The following NF2 variants were observed in gnomAD, a reference collection of about 807,000 sequenced individuals.
NF2 encodes NF2, moesin-ezrin-radixin like (MERLIN) tumor suppressor.
NF2 carries 8 observed loss-of-function variants against 83.7 expected under a neutral mutation model. The observed-to-expected ratio is 0.10, with a 90% CI of 0.06 to 0.17. NF2 has a LOEUF of 0.17. Ranked by LOEUF, NF2 falls within the 10% of genes least tolerant of loss-of-function variation. NF2 has a pLI of 1.00. For synonymous variants in NF2, 266 were observed against 269.6 expected (o/e 0.99, Z 0.13); for missense variants, 533 against 744.4 (o/e 0.72, Z 3.31).
At chr22:29,647,969 A>G (rs2066028542) in intron 4 of NF2, among the ~76,000 whole-genome samples, 1 of 152,018 alleles carries the variant, frequency 6.6e-6, no homozygotes, top group South Asian at 2.1e-4. Context: ...AAATAAATAC[A>G]TACATACAAA....
intron 10 of NF2, among the ~76,000 whole-genome samples, chr22:29,669,702 C>T (rs1242176528): frequency 6.6e-6 from 1 of 152,206 alleles, no homozygotes; most frequent in Non-Finnish European, 1.5e-5. Context: ...GCACTGCTTA[C>T]AGCACAGCAG....
intron 1 of NF2, among the ~76,000 whole-genome samples, chr22:29,618,603 C>T (rs1414963303): frequency 2.0e-5 from 3 of 152,156 alleles, no homozygotes; most frequent in South Asian, 2.1e-4. Flanking sequence ...GGAGGCTAAA[C>T]GGCTATGTTA....
At chr22:29,642,145 C>A in intron 3 of NF2, 57 bp from the exon 4 acceptor site, 1 of 1,379,190 alleles carries the variant, frequency 7.3e-7, no homozygotes, top group Non-Finnish European at 1.0e-6. Context: ...TTGTGATCAG[C>A]CTACACACCT....
chr22:29,628,514 T>C (rs976837896), intron 1 of NF2, among the ~76,000 whole-genome samples: 2 of 151,856 alleles, frequency 1.3e-5, no homozygotes, highest in African/African-American at 4.8e-5. Flanking sequence ...CAGAGATGAT[T>C]GGAGAACTGG....
In NF2 at chr22:29,666,542, G is replaced by T. The variant is rs1284284276; in HGVS notation, c.885+1478G>T. ...GAGTCTTGAGTATACTGGGCTAGGT[G>T]GGGTGGCTCACGCCTGTAATCTCAG... On this transcript the variant is annotated intron_variant, in intron 9 of 15. Transcript: ENST00000338641. 2.6e-5 allele frequency among the ~76,000 whole-genome samples: 4 copies of T among 152,234 alleles called. No homozygotes were observed. In the East Asian group the frequency reaches 5.8e-4, roughly 22 times the overall value.
chr22:29,662,706 C>A (rs770020490), intron 8 of NF2, among the ~76,000 whole-genome samples: 2 of 152,196 alleles, frequency 1.3e-5, no homozygotes, highest in Non-Finnish European at 2.9e-5. Context: ...CATCAGGAAG[C>A]AGAGACACAG....
rs560736399 is a variant in NF2 at position 29,672,086 on chromosome 22, C to G, written c.1122+138C>G. The G allele has an allele frequency of 3.1e-5, 40 of 1,297,648 alleles. No individual in the cohort carries two copies. The East Asian group carries it at 8.9e-4, about 29-fold the overall frequency. The allele number at this position is 1,297,648 out of a possible 1,614,324, so 80.4% of individuals were successfully genotyped here. Reference sequence around the variant, plus strand: ...ATTTCAGCTTTGAAAAAATCAGTGCCTTTTCTTTTCACCTGTGTTGGCAGA... The same window carrying G: ...ATTTCAGCTTTGAAAAAATCAGTGCGTTTTCTTTTCACCTGTGTTGGCAGA... On this transcript the variant is annotated intron_variant, in intron 11 of 15. Coordinates refer to ENST00000338641, the MANE Select transcript of NF2 (RefSeq NM_000268.4).
chr22:29,661,135 C>G (rs2147006119), intron 7 of NF2, 70 bp from the exon 8 acceptor site: 1 of 1,608,040 alleles, frequency 6.2e-7, no homozygotes, highest in Non-Finnish European at 8.5e-7. Context: ...GTGCCAGATT[C>G]TTTGGAAGGT....
At position 29,695,847 on chromosome 22, in the gene NF2, G is replaced by A. The variant is rs891909315; in HGVS notation, c.*1045G>A. On this transcript the variant is annotated 3_prime_UTR_variant, in exon 16 of 16. Coordinates refer to ENST00000338641, the MANE Select transcript of NF2 (RefSeq NM_000268.4). This position sits in a 1 kb window ranked among gnomAD's most constrained non-coding sequence, Gnocchi z 5.4. ...CACTGTTGTACCCAGGCCTCACTTT[G>A]CTGTTGCCCTTGTCCCTCTTCGGGC... 4 of 233,588 alleles carry A rather than the reference G, an allele frequency of 1.7e-5. No individual in the cohort carries two copies. The highest frequency in any genetic ancestry group is 2.5e-5 in the Non-Finnish European group (3 of 118,246). The allele number at this position is 233,588 out of a possible 1,614,324, so 14.5% of individuals were successfully genotyped here.
intron 1 of NF2, among the ~76,000 whole-genome samples, chr22:29,605,356 G>C (rs1303321313): frequency 6.6e-6 from 1 of 152,062 alleles, no homozygotes; most frequent in Admixed American, 6.6e-5. Flanking sequence ...GTAGAGACAG[G>C]GTTTCACCAT....
intron 8 of NF2, among the ~76,000 whole-genome samples, chr22:29,663,253 AT>A (rs1169829865): frequency 6.6e-6 from 1 of 152,206 alleles, no homozygotes; most frequent in Non-Finnish European, 1.5e-5. Flanking sequence ...ACGTCCACAC[AT>A]TTGTGTGCTA....
In NF2 at chr22:29,654,687, C is replaced by A; in HGVS notation, c.478C>A (p.Arg160=). The A allele has an allele frequency of 6.2e-7, 1 of 1,613,890 alleles. No homozygotes were observed. The highest frequency in any genetic ancestry group is 8.5e-7 in the Non-Finnish European group (1 of 1,179,866). ...YGDYDPSVHK[R]GFLAQEELLP... ...TGACTACGACCCCAGTGTTCACAAG[C>A]GGGGATTTTTGGCCCAAGAGGAATT... is the stretch of plus-strand genomic sequence containing the variant. Residue 160 remains arginine (R), a synonymous_variant, in exon 5 of 16, where the codon CGG becomes AGG. Coordinates refer to ENST00000338641, the MANE Select transcript of NF2 (RefSeq NM_000268.4).
chr22:29,678,421 A>G, intron 14 of NF2, 98 bp downstream of exon 14: 1 of 1,423,482 alleles, frequency 7.0e-7, no homozygotes, highest in Non-Finnish European at 9.8e-7. Flanking sequence ...TCGCTGCAGC[A>G]GCCTGTCATT....
chr22:29,685,151 T>G (rs551015011), intron 15 of NF2, among the ~76,000 whole-genome samples: 1 of 151,988 alleles, frequency 6.6e-6, no homozygotes, highest in South Asian at 2.1e-4. Context: ...ACGGTCTCCC[T>G]CTGTCACCCA....
chr22:29,639,004 T>C, intron 2 of NF2, 86 bp from the exon 3 acceptor site: 2 of 1,590,030 alleles, frequency 1.3e-6, no homozygotes, highest in Non-Finnish European at 1.7e-6. Context: ...AAAAATTTAA[T>C]GCACGCCTTG....
intron 1 of NF2, among the ~76,000 whole-genome samples, chr22:29,608,210 A>C (rs2064853930): frequency 6.7e-6 from 1 of 150,000 alleles, no homozygotes; most frequent in African/African-American, 2.5e-5. Context: ...ACAATAACAA[A>C]TTTAAAAATT....
intron 1 of NF2, among the ~76,000 whole-genome samples, chr22:29,633,441 G>A (rs191554466): frequency 9.2e-5 from 14 of 152,174 alleles, no homozygotes; most frequent in African/African-American, 2.2e-4. Context: ...CCTCTTTTCC[G>A]TTTCTCAGGC....
chr22:29,623,395 G>T (rs1464657119), intron 1 of NF2, among the ~76,000 whole-genome samples: 1 of 152,162 alleles, frequency 6.6e-6, no homozygotes, highest in Non-Finnish European at 1.5e-5. Context: ...AAATGATTTG[G>T]AACGTTTGGG....
intron 1 of NF2, among the ~76,000 whole-genome samples, chr22:29,634,833 A>C (rs550289406): frequency 6.6e-6 from 1 of 152,204 alleles, no homozygotes; most frequent in Non-Finnish European, 1.5e-5. Context: ...TTTTTGTCCT[A>C]TTGTCAGACT....
Sources: allele counts gnomAD v4.1 joint callset (sites outside exome capture counted in the v4.1 genomes callset), GRCh38; gene constraint gnomAD v4.1.1; non-coding constraint Gnocchi (gnomAD v3.1); transcripts MANE v1.5; gene names NCBI Gene and HGNC (gene_info 2026-07-23, HGNC 2026-07-21).